Variants in AKAP13 observed in about 807,000 individuals in gnomAD.
The protein encoded by AKAP13 is A-kinase anchoring protein 13.
In AKAP13, 80 loss-of-function variants were observed where a neutral mutation model predicts 264.5. That is an observed-to-expected ratio of 0.30 (90% CI 0.25 to 0.36). AKAP13 has a LOEUF of 0.36. Among genes scored for constraint, AKAP13 ranks in the 10% least tolerant of loss-of-function variants. The pLI, the probability that AKAP13 is intolerant of heterozygous loss-of-function variation, is 1.00. For missense variants in AKAP13, 3,712 were observed against 3,435.2 expected (o/e 1.08, Z -2.01); for synonymous variants, 1,380 against 1,250.2 (o/e 1.10, Z -2.19).
chr15:85,608,289 T>G (rs532703513), intron 8 of AKAP13, among the ~76,000 whole-genome samples: 1 of 152,360 alleles, frequency 6.6e-6, no homozygotes, highest in East Asian at 1.9e-4. Context: ...CAGAAACTAC[T>G]TCAGACAAAA....
chr15:85,690,452 A>G (rs2085216682), intron 16 of AKAP13, among the ~76,000 whole-genome samples: 1 of 152,344 alleles, frequency 6.6e-6, no homozygotes, highest in East Asian at 1.9e-4. Flanking sequence ...GATTATTACT[A>G]AAGTTTTATG....
chr15:85,674,906 A>G (rs2084139794), intron 14 of AKAP13, among the ~76,000 whole-genome samples: 1 of 152,150 alleles, frequency 6.6e-6, no homozygotes, highest in South Asian at 2.1e-4. Context: ...TGGAAAAGAT[A>G]ACATTGACAA....
At chr15:85,454,051 AC>A (rs1200281088) in intron 1 of AKAP13, among the ~76,000 whole-genome samples, 1 of 152,196 alleles carries the variant, frequency 6.6e-6, no homozygotes, top group Non-Finnish European at 1.5e-5. Context: ...GTGCAGTGCC[AC>A]TACTGGCAGC....
intron 1 of AKAP13, among the ~76,000 whole-genome samples, chr15:85,419,823 A>AC (rs2072428639): frequency 6.6e-6 from 1 of 151,932 alleles, no homozygotes; most frequent in South Asian, 2.1e-4. Flanking sequence ...GAAATTGTGT[A>AC]CCTCATTTTC....
intron 1 of AKAP13, among the ~76,000 whole-genome samples, chr15:85,423,318 G>T (rs2072612810): frequency 6.6e-6 from 1 of 152,196 alleles, no homozygotes; most frequent in African/African-American, 2.4e-5. Context: ...CAAAATTGGA[G>T]TCACTCCTCT....
chr15:85,744,580 G>A (rs755428939), intron 36 of AKAP13, 48 bp from the exon 37 acceptor site: 1 of 1,597,944 alleles, frequency 6.3e-7, no homozygotes. Context: ...TTCAATGAAA[G>A]GAGCAGTTTT....
chr15:85,514,875 C>T (rs1317574522), intron 2 of AKAP13, among the ~76,000 whole-genome samples: 1 of 133,814 alleles, frequency 7.5e-6, no homozygotes, highest in Non-Finnish European at 1.6e-5. Context: ...ATAATTGCCA[C>T]CTCATGGAAA....
At chr15:85,575,979 T>G (rs55892576) in intron 6 of AKAP13, among the ~76,000 whole-genome samples, 11,826 of 152,296 alleles carry the variant, frequency 0.078, 675 homozygotes, top group East Asian at 0.2. Flanking sequence ...GAGCAAGACC[T>G]TGTCTCAAAA....
rs2089371983 is a variant in AKAP13, at chr15:85,746,455, C to G, written c.*1778C>G. On this transcript the variant is annotated 3_prime_UTR_variant, in exon 37 of 37. Transcript: ENST00000394518. ...AGATGAAATTTTAAAGGGAGGGGGT[C>G]CATGTCCTTCCCTCCCCCACCCCGC... is the stretch of plus-strand genomic sequence containing the variant. 1 of 152,026 alleles carries G rather than the reference C, an allele frequency of 6.6e-6. No homozygotes were observed. Among genetic ancestry groups the G allele is most frequent in the African/African-American group, 2.4e-5 (1 of 41,380 alleles). The allele number at this position is 152,026 out of a possible 1,614,324, so 9.4% of individuals were successfully genotyped here.
intron 13 of AKAP13, among the ~76,000 whole-genome samples, chr15:85,669,411 C>T (rs549034697): frequency 9.2e-5 from 14 of 152,262 alleles, no homozygotes; most frequent in African/African-American, 3.4e-4. Context: ...TAAGTACTTA[C>T]TAAGTTTGAA....
In AKAP13 at chr15:85,744,907, C is replaced by T. The variant is rs2089322803; in HGVS notation, c.*230C>T. ...ATGATTTGTGACTGCCCAGGACTCT[C>T]AGGTTGGGCTGGCCCTACTCAGGAT... On this transcript the variant is annotated 3_prime_UTR_variant, in exon 37 of 37. Transcript: ENST00000394518. The T allele has an allele frequency of 4.3e-6, 2 of 467,536 alleles. No homozygotes were observed. The highest frequency in any genetic ancestry group is 7.5e-6 in the Non-Finnish European group (2 of 266,196). 29.0% of individuals were successfully genotyped at this position (467,536 alleles called of 1,614,324 possible).
At position 85,749,048 on chromosome 15, in the gene AKAP13, G is replaced by A. The variant is rs2089448728; in HGVS notation, c.*4371G>A. The A allele has an allele frequency of 1.3e-5, 2 of 152,326 alleles. No individual in the cohort carries two copies. Among genetic ancestry groups the A allele is most frequent in the Non-Finnish European group, 2.9e-5 (2 of 68,084 alleles). 9.4% of individuals were successfully genotyped at this position (152,326 alleles called of 1,614,324 possible). A position where few individuals can be genotyped will look rare whatever the true frequency, so the allele number is the denominator to read the frequency against. ...AGGGGAGGCGTGGGGATCCGCAGGA[G>A]GGTGGTTGGGATACACCGGATACCT... On this transcript the variant is annotated 3_prime_UTR_variant, in exon 37 of 37. Coordinates refer to ENST00000394518, the MANE Select transcript of AKAP13 (RefSeq NM_007200.5).
At position 85,450,156 on chromosome 15, in the gene AKAP13, G is replaced by A. The variant is rs532372097; in HGVS notation, c.-11-35554G>A. On this transcript the variant is annotated intron_variant, in intron 1 of 36. Coordinates refer to ENST00000394518, the MANE Select transcript of AKAP13 (RefSeq NM_007200.5). The stretch of plus-strand genomic sequence containing the variant: ...TTGCTCAGTCTGGGTGGGGGTGTAT[G>A]TGTCCAGGAATTTATCCATCTCTTC... Among the ~76,000 whole-genome samples the A allele has an allele frequency of 1.8e-3, 274 of 152,188 alleles. 12 individuals carry two copies. The South Asian group carries it at 0.049, about 27-fold the overall frequency.
rs865978948 is a variant in AKAP13, at chr15:85,473,426, T to C, written c.-11-12284T>C. Among the ~76,000 whole-genome samples the C allele has an allele frequency of 2.0e-5, 3 of 152,296 alleles. No individual in the cohort carries two copies. The South Asian group carries it at 6.2e-4, about 32-fold the overall frequency. On this transcript the variant is annotated intron_variant, in intron 1 of 36. Coordinates refer to ENST00000394518, the MANE Select transcript of AKAP13 (RefSeq NM_007200.5). ...GAGTGCATACTCTGGACCGAGATTATAGATAGAATGAACTATAAAAAGTCC... is the reference window on the plus strand; with the variant it reads ...GAGTGCATACTCTGGACCGAGATTACAGATAGAATGAACTATAAAAAGTCC...
At chr15:85,701,256 A>G (rs746390404) in intron 17 of AKAP13, 1 of 152,092 alleles carries the variant, frequency 6.6e-6, no homozygotes, top group Non-Finnish European at 1.5e-5. Context: ...CCAGTGTGTT[A>G]TCACTAGACT....
chr15:85,732,529 A>G (rs2088125469), intron 30 of AKAP13, among the ~76,000 whole-genome samples: 1 of 150,162 alleles, frequency 6.7e-6, no homozygotes, highest in African/African-American at 2.4e-5. Context: ...TGTATATGAA[A>G]ATTTATATTT....
At chr15:85,605,083 T>A (rs1160364929) in intron 8 of AKAP13, among the ~76,000 whole-genome samples, 2 of 151,594 alleles carry the variant, frequency 1.3e-5, no homozygotes, top group African/African-American at 4.9e-5. Context: ...ATGGATTACC[T>A]AATTTCCTAG....
chr15:85,696,132 C>G (rs1389718171), intron 17 of AKAP13, among the ~76,000 whole-genome samples: 1 of 152,172 alleles, frequency 6.6e-6, no homozygotes, highest in Non-Finnish European at 1.5e-5. Context: ...TTGCCATTTT[C>G]TTGTTTTCTG....
intron 33 of AKAP13, among the ~76,000 whole-genome samples, chr15:85,736,372 T>G (rs964740705): frequency 6.6e-6 from 1 of 152,170 alleles, no homozygotes; most frequent in African/African-American, 2.4e-5. Flanking sequence ...AAGATGGCCT[T>G]TGATTCGTTT....
Sources: allele counts gnomAD v4.1 joint callset (sites outside exome capture counted in the v4.1 genomes callset), GRCh38; gene constraint gnomAD v4.1.1; transcripts MANE v1.5; gene names NCBI Gene and HGNC (gene_info 2026-07-23, HGNC 2026-07-21).